The following ARHGEF3 variants were observed in gnomAD, a reference collection of about 807,000 sequenced individuals.
ARHGEF3 encodes 59.8 kDA protein.
A neutral mutation model predicts 63.2 loss-of-function variants in ARHGEF3; 28 were observed. The observed-to-expected ratio is 0.44, with a 90% CI of 0.33 to 0.61. The LOEUF (loss-of-function observed/expected upper bound fraction) is 0.61, where lower values mean the gene tolerates loss of function less well. Among genes scored for constraint, ARHGEF3 ranks in the 20% least tolerant of loss-of-function variants. The pLI is 0.03. For synonymous variants in ARHGEF3, 266 were observed against 254.2 expected (o/e 1.05, Z -0.44); for missense variants, 533 against 659.3 (o/e 0.81, Z 2.10).
At chr3:56,896,370 A>G (rs1265552393) in intron 3 of ARHGEF3, among the ~76,000 whole-genome samples, 1 of 152,220 alleles carries the variant, frequency 6.6e-6, no homozygotes, top group Non-Finnish European at 1.5e-5. Flanking sequence ...TAGACCCTAA[A>G]TACTTCAGTG....
At chr3:56,775,050 T>A (rs992021944) in intron 1 of ARHGEF3, 3 of 1,551,302 alleles carry the variant, frequency 1.9e-6, no homozygotes, top group South Asian at 2.4e-5. Context: ...AGACAGCACA[T>A]GAAGATACCA....
At position 56,810,931 on chromosome 3, in the gene ARHGEF3, A is replaced by G. The variant is rs565633779; in HGVS notation, c.193-37115T>C. Among the ~76,000 whole-genome samples, 17 of 152,350 alleles carry G rather than the reference A, an allele frequency of 1.1e-4. No homozygotes were observed. In the South Asian group the frequency reaches 3.5e-3, roughly 32 times the overall value. On this transcript the variant is annotated intron_variant, in intron 4 of 12. Transcript: ENST00000338458. Reference sequence around the variant, plus strand: ...TCAGCAAGCCCAATAATGATCCCCCAGCCACAGGCTAGAAATGCTCTGACC... The same window carrying G: ...TCAGCAAGCCCAATAATGATCCCCCGGCCACAGGCTAGAAATGCTCTGACC...
rs568757947 is a variant in ARHGEF3, at chr3:56,841,095, A to G, written c.192+41197T>C. 3.9e-5 allele frequency among the ~76,000 whole-genome samples: 6 copies of G among 152,218 alleles called. No homozygotes were observed. The South Asian group carries it at 1.0e-3, about 26-fold the overall frequency. On this transcript the variant is annotated intron_variant, in intron 4 of 12. Coordinates refer to the ARHGEF3 transcript ENST00000338458. ...TTCTCTTTGCCCCCAGTAGATAAAT[A>G]CTCCTGGCTCCTCATCTATACTGAT...
intron 2 of ARHGEF3, among the ~76,000 whole-genome samples, chr3:57,015,987 G>A (rs1298629680): frequency 1.3e-5 from 2 of 152,028 alleles, no homozygotes; most frequent in Non-Finnish European, 2.9e-5. Context: ...AGAGGCAGGG[G>A]TCCACCTGGG....
At chr3:56,878,589 T>G (rs2040668785) in intron 4 of ARHGEF3, among the ~76,000 whole-genome samples, 1 of 152,172 alleles carries the variant, frequency 6.6e-6, no homozygotes, top group Non-Finnish European at 1.5e-5. Context: ...ACCCTTCCAG[T>G]TTCCTCTGTA....
chr3:56,869,683 A>G (rs2040370474), intron 4 of ARHGEF3, among the ~76,000 whole-genome samples: 1 of 152,234 alleles, frequency 6.6e-6, no homozygotes, highest in Admixed American at 6.5e-5. Context: ...ATCAAAGATG[A>G]GGCTTGATAT....
At chr3:56,967,954 T>TTATATATA in intron 2 of ARHGEF3, among the ~76,000 whole-genome samples, 1 of 71,762 alleles carries the variant, frequency 1.4e-5, no homozygotes, top group South Asian at 4.3e-4. Flanking sequence ...ATATATTATA[T>TTATATATA]ATATAAAATA....
At chr3:56,824,980 A>T (rs1257530768) in intron 4 of ARHGEF3, among the ~76,000 whole-genome samples, 1 of 152,232 alleles carries the variant, frequency 6.6e-6, no homozygotes, top group Non-Finnish European at 1.5e-5. Context: ...GGGTGACACA[A>T]GCCAGTTAAT....
intron 1 of ARHGEF3, among the ~76,000 whole-genome samples, chr3:57,037,920 G>C (rs901983882): frequency 6.9e-6 from 1 of 145,554 alleles, no homozygotes; most frequent in Non-Finnish European, 1.5e-5. Context: ...TCACCCTTCA[G>C]CCTGTGGCTA....
intron 3 of ARHGEF3, among the ~76,000 whole-genome samples, chr3:56,956,253 G>A (rs958767586): frequency 6.6e-6 from 1 of 150,716 alleles, no homozygotes; most frequent in Admixed American, 6.7e-5. Context: ...TTCCTGCAGT[G>A]AATTATTACT....
chr3:57,020,043 C>T (rs1182461708), intron 2 of ARHGEF3, among the ~76,000 whole-genome samples: 6 of 152,150 alleles, frequency 3.9e-5, no homozygotes, highest in African/African-American at 1.4e-4. Context: ...GGACTACAGG[C>T]GAGCGCCACC....
At chr3:56,775,233 G>C (rs2036229673) in intron 1 of ARHGEF3, 6 of 1,323,268 alleles carry the variant, frequency 4.5e-6, no homozygotes, top group Non-Finnish European at 5.8e-6. Flanking sequence ...TCTGAACATA[G>C]TAGGTGCCTG....
chr3:56,753,109 T>C (rs890098618), intron 4 of ARHGEF3, among the ~76,000 whole-genome samples: 1 of 152,378 alleles, frequency 6.6e-6, no homozygotes, highest in Middle Eastern at 3.4e-3. Flanking sequence ...CATTTCACTT[T>C]ATTCACTTTT....
intron 3 of ARHGEF3, among the ~76,000 whole-genome samples, chr3:56,893,879 T>C (rs1042357140): frequency 1.8e-4 from 26 of 147,356 alleles, no homozygotes; most frequent in African/African-American, 6.3e-4. Context: ...GTGCTTTACA[T>C]GTATTATAAC....
intron 2 of ARHGEF3, among the ~76,000 whole-genome samples, chr3:57,003,869 A>G (rs1302631206): frequency 6.6e-6 from 1 of 152,220 alleles, no homozygotes; most frequent in Non-Finnish European, 1.5e-5. Context: ...TGGCCTCCAG[A>G]AGGAGCCAAG....
At chr3:56,745,074 G>GT (rs1278180367) in intron 7 of ARHGEF3, 131 bp downstream of exon 7, 2 of 1,189,744 alleles carry the variant, frequency 1.7e-6, no homozygotes, top group Non-Finnish European at 2.3e-6. Context: ...GTTGATGGCA[G>GT]TGCCAGGCCT....
At chr3:56,750,670 G>GTTTTTTT (rs79472923) in intron 6 of ARHGEF3, among the ~76,000 whole-genome samples, 1 of 109,916 alleles carries the variant, frequency 9.1e-6, no homozygotes, top group Non-Finnish European at 1.9e-5. Context: ...AGCATGACAA[G>GTTTTTTT]TTTTTTTTTT....
chr3:56,733,201 T>C (rs2033317308), intron 8 of ARHGEF3, among the ~76,000 whole-genome samples: 1 of 147,280 alleles, frequency 6.8e-6, no homozygotes, highest in East Asian at 2.0e-4. Flanking sequence ...GAGAATGACA[T>C]GAACCCAGGA....
intron 2 of ARHGEF3, among the ~76,000 whole-genome samples, chr3:56,973,666 ACT>A (rs1009613929): frequency 6.6e-6 from 1 of 151,866 alleles, no homozygotes; most frequent in African/African-American, 2.4e-5. Context: ...AAAGAGGGAG[ACT>A]CTACTATTTC....
Sources: allele counts gnomAD v4.1 joint callset (sites outside exome capture counted in the v4.1 genomes callset), GRCh38; gene constraint gnomAD v4.1.1; transcripts MANE v1.5; gene names NCBI Gene and HGNC (gene_info 2026-07-23, HGNC 2026-07-21).